The following XRCC4 variants were observed in gnomAD, a reference collection of about 807,000 sequenced individuals.
XRCC4 encodes the protein DNA repair protein XRCC4.
XRCC4 carries 28 observed loss-of-function variants against 39.1 expected under a neutral mutation model. The observed-to-expected ratio is 0.72, with a 90% confidence interval of 0.53 to 0.98. The LOEUF (loss-of-function observed/expected upper bound fraction) is 0.98, where lower values mean the gene tolerates loss of function less well. Ranked by LOEUF, XRCC4 falls within the 50% of genes least tolerant of loss-of-function variation. XRCC4 has a pLI of 0.00. For missense variants in XRCC4, 350 were observed against 376.4 expected (o/e 0.93, Z 0.58); for synonymous variants, 123 against 126.4 (o/e 0.97, Z 0.18).
At chr5:83,279,437 A>T (rs977387065) in intron 7 of XRCC4, among the ~76,000 whole-genome samples, 13 of 152,192 alleles carry the variant, frequency 8.5e-5, no homozygotes, top group African/African-American at 2.7e-4. Flanking sequence ...TTAAAATACC[A>T]AAAGTGCCAG....
intron 7 of XRCC4, among the ~76,000 whole-genome samples, chr5:83,269,108 T>G (rs1754051392): frequency 6.6e-6 from 1 of 152,148 alleles, no homozygotes; most frequent in Non-Finnish European, 1.5e-5. Context: ...GTCTCAAGTA[T>G]ATTTTTGGAG....
At chr5:83,199,036 T>C (rs1172856953) in intron 4 of XRCC4, among the ~76,000 whole-genome samples, 3 of 152,288 alleles carry the variant, frequency 2.0e-5, no homozygotes, top group African/African-American at 2.4e-5. Flanking sequence ...TTCTGAGTTA[T>C]AGTTATTAAA....
At chr5:83,114,326 A>T (rs1253874536) in intron 3 of XRCC4, among the ~76,000 whole-genome samples, 1 of 152,088 alleles carries the variant, frequency 6.6e-6, no homozygotes, top group Non-Finnish European at 1.5e-5. Flanking sequence ...TTTTCCCCCA[A>T]ATATGGGCTT....
intron 6 of XRCC4, among the ~76,000 whole-genome samples, chr5:83,250,894 G>A (rs1264641873): frequency 6.6e-6 from 1 of 152,204 alleles, no homozygotes; most frequent in Non-Finnish European, 1.5e-5. Context: ...ATTAATTTGG[G>A]AAATGTAGTA....
At chr5:83,289,337 T>G (rs1754836410) in intron 7 of XRCC4, among the ~76,000 whole-genome samples, 1 of 151,974 alleles carries the variant, frequency 6.6e-6, no homozygotes. Context: ...TGTAATTTTC[T>G]GTTGAAAGCT....
chr5:83,356,132 C>G (rs1451856411), downstream of XRCC4, among the ~76,000 whole-genome samples: 2 of 151,970 alleles, frequency 1.3e-5, no homozygotes, highest in African/African-American at 4.8e-5. Flanking sequence ...TAATTATAAA[C>G]TATCAAATTC....
chr5:83,321,813 C>T (rs957809100), intron 7 of XRCC4, among the ~76,000 whole-genome samples: 1 of 151,664 alleles, frequency 6.6e-6, no homozygotes, highest in South Asian at 2.1e-4. Flanking sequence ...GATCAAAATG[C>T]AAAAAATTTA....
chr5:83,087,140 A>G (rs1745216993), intron 1 of XRCC4, among the ~76,000 whole-genome samples: 1 of 151,852 alleles, frequency 6.6e-6, no homozygotes, highest in Non-Finnish European at 1.5e-5. Flanking sequence ...AACCTGGTGA[A>G]ACCCCATCTC....
intron 6 of XRCC4, among the ~76,000 whole-genome samples, chr5:83,226,098 C>T (rs961329931): frequency 6.6e-6 from 1 of 151,886 alleles, no homozygotes; most frequent in South Asian, 2.1e-4. Flanking sequence ...TGGAGGTGCT[C>T]GTGTGCCCAC....
chr5:83,113,924 C>A (rs1005300611), intron 3 of XRCC4, among the ~76,000 whole-genome samples: 1 of 152,228 alleles, frequency 6.6e-6, no homozygotes, highest in Non-Finnish European at 1.5e-5. Flanking sequence ...CCGCACCCAG[C>A]GCAGACATTT....
At chr5:83,188,037 A>G (rs901366131) in intron 3 of XRCC4, among the ~76,000 whole-genome samples, 10 of 152,192 alleles carry the variant, frequency 6.6e-5, no homozygotes, top group African/African-American at 2.2e-4. Context: ...AAATTAAAGC[A>G]TATTTGTATT....
At chr5:83,203,517 G>T in intron 4 of XRCC4, 35 bp from the exon 5 acceptor site, 2 of 1,548,468 alleles carry the variant, frequency 1.3e-6, no homozygotes, top group Non-Finnish European at 1.7e-6. Flanking sequence ...AAGCAGAACT[G>T]CATGACTAAT....
intron 7 of XRCC4, among the ~76,000 whole-genome samples, chr5:83,273,233 G>T (rs868116539): frequency 6.6e-6 from 1 of 152,166 alleles, no homozygotes; most frequent in Non-Finnish European, 1.5e-5. Context: ...CTTTTGAGAA[G>T]TGTCTGTTCA....
At chr5:83,171,415 G>A (rs1749717170) in intron 3 of XRCC4, among the ~76,000 whole-genome samples, 1 of 151,952 alleles carries the variant, frequency 6.6e-6, no homozygotes, top group African/African-American at 2.4e-5. Flanking sequence ...GATATTTTGT[G>A]TTTGGGCCTT....
At position 83,325,806 on chromosome 5, in the gene XRCC4, T is replaced by G. The variant is rs558898281; in HGVS notation, c.894-27325T>G. ...TATCTTTATAATAGAATTATTCTAT[T>G]TCTTTAGATATATATACAGTAATGG... is the stretch of plus-strand genomic sequence containing the variant. On this transcript the variant is annotated intron_variant, in intron 7 of 7. Coordinates refer to ENST00000396027, the MANE Select transcript of XRCC4 (RefSeq NM_003401.5). 2.6e-5 allele frequency among the ~76,000 whole-genome samples: 4 copies of G among 152,180 alleles called. No individual in the cohort carries two copies. In the East Asian group the frequency reaches 7.7e-4, roughly 29 times the overall value.
chr5:83,344,415 CT>C (rs70973394), intron 7 of XRCC4, among the ~76,000 whole-genome samples: 409 of 115,202 alleles, frequency 3.6e-3, no homozygotes, highest in African/African-American at 0.011. Flanking sequence ...TTATTTTTCA[CT>C]TTTTTTTTTT....
intron 7 of XRCC4, among the ~76,000 whole-genome samples, chr5:83,277,206 T>G (rs1331102398): frequency 2.0e-5 from 3 of 152,344 alleles, no homozygotes; most frequent in Non-Finnish European, 4.4e-5. Flanking sequence ...ACTGTGACAG[T>G]CATTAGTTCT....
At chr5:83,347,938 AG>A (rs1313263134) in intron 7 of XRCC4, among the ~76,000 whole-genome samples, 2 of 152,226 alleles carry the variant, frequency 1.3e-5, no homozygotes, top group Non-Finnish European at 2.9e-5. Context: ...AAGGGGCTAC[AG>A]GCCCCATGCA....
At chr5:83,163,037 C>G (rs777691287) in intron 3 of XRCC4, among the ~76,000 whole-genome samples, 1 of 149,760 alleles carries the variant, frequency 6.7e-6, no homozygotes, top group Non-Finnish European at 1.5e-5. Context: ...GCAACCTCCA[C>G]CTCCCAAGTT....
Sources: allele counts gnomAD v4.1 joint callset (sites outside exome capture counted in the v4.1 genomes callset), GRCh38; gene constraint gnomAD v4.1.1; transcripts MANE v1.5; gene names NCBI Gene and HGNC (gene_info 2026-07-23, HGNC 2026-07-21).